Variants in ERG observed in about 807,000 individuals in gnomAD.
The protein encoded by ERG is transcriptional regulator ERG.
Under a neutral mutation model 55.3 loss-of-function variants are expected in ERG, and 9 were observed. The observed-to-expected ratio is 0.16, with a 90% CI of 0.10 to 0.28. ERG has a LOEUF of 0.28. Ranked by LOEUF, ERG falls within the 10% of genes least tolerant of loss-of-function variation. The pLI is 1.00. For missense variants in ERG, 434 were observed against 631.6 expected, an observed-to-expected ratio of 0.69 and a Z score of 3.35; for synonymous variants, 223 against 237.3, an observed-to-expected ratio of 0.94 and a Z score of 0.55.
chr21:38,647,344 T>C (rs1340653511), intron 1 of ERG, among the ~76,000 whole-genome samples: 1 of 152,210 alleles, frequency 6.6e-6, no homozygotes, highest in Non-Finnish European at 1.5e-5. Flanking sequence ...CAAAGTCAAG[T>C]ATTGGCATTT....
upstream of ERG, among the ~76,000 whole-genome samples, chr21:38,585,899 G>A (rs1163560231): frequency 6.6e-6 from 1 of 150,694 alleles, no homozygotes; most frequent in Non-Finnish European, 1.5e-5. Context: ...CATTACTGGG[G>A]GAAAAAAATC....
At chr21:38,464,172 G>C (rs1228251348) in intron 1 of ERG, among the ~76,000 whole-genome samples, 1 of 152,046 alleles carries the variant, frequency 6.6e-6, no homozygotes, top group African/African-American at 2.4e-5. Flanking sequence ...GTTACTATTG[G>C]ATTCTATCTT....
In ERG at chr21:38,472,640, T is replaced by C. The variant is rs139374151; in HGVS notation, c.18+25723A>G. On this transcript the variant is annotated intron_variant, in intron 1 of 9. Coordinates refer to ENST00000288319, the MANE Select transcript of ERG (RefSeq NM_182918.4). ...GCAGGCCTCCACAGGGCAGCTACACTCTACGATAAGGAACATGAAGCCCTG... is the reference window on the plus strand; with the variant it reads ...GCAGGCCTCCACAGGGCAGCTACACCCTACGATAAGGAACATGAAGCCCTG... 1.4e-4 allele frequency among the ~76,000 whole-genome samples: 21 copies of C among 152,088 alleles called. No individual in the cohort carries two copies. In the East Asian group the frequency reaches 3.1e-3, roughly 22 times the overall value.
intron 1 of ERG, among the ~76,000 whole-genome samples, chr21:38,622,982 T>A (rs394938): frequency 1 from 144,273 of 144,778 alleles, 71,884 homozygotes; most frequent in Middle Eastern, 1. Context: ...TCACACACAT[T>A]TTACATACAC....
chr21:38,639,366 T>TA (rs57735416), intron 1 of ERG, among the ~76,000 whole-genome samples: 53 of 147,472 alleles, frequency 3.6e-4, no homozygotes, highest in East Asian at 3.9e-4. Flanking sequence ...GTTTTAACTT[T>TA]AAAAAAAAAA....
Position 38,429,602 on chromosome 21 carries a change from T to C in ERG, c.237-6041A>G, listed in dbSNP as rs537867693. ...ATATACATATGTGTATATGTACATG[T>C]ATACACATGTACATATATACATATG... On this transcript the variant is annotated intron_variant, in intron 2 of 9. Coordinates refer to ENST00000288319, the MANE Select transcript of ERG (RefSeq NM_182918.4). Among the ~76,000 whole-genome samples the C allele has an allele frequency of 2.1e-5, 3 of 146,104 alleles. 1 individual carries two copies. The highest frequency in any genetic ancestry group is 5.0e-5 in the African/African-American group (2 of 39,678).
intron 3 of ERG, among the ~76,000 whole-genome samples, chr21:38,405,108 C>T (rs1451960592): frequency 6.6e-6 from 1 of 152,152 alleles, no homozygotes; most frequent in South Asian, 2.1e-4. Context: ...CTGCAAACAC[C>T]TATCCTGAAG....
chr21:38,435,294 C>T (rs1166359834), intron 2 of ERG, among the ~76,000 whole-genome samples: 2 of 152,158 alleles, frequency 1.3e-5, no homozygotes, highest in African/African-American at 2.4e-5. Context: ...AGGTCAGTCA[C>T]CACAAAAGGT....
chr21:38,621,957 C>G (rs1258194283), intron 1 of ERG, among the ~76,000 whole-genome samples: 1 of 152,216 alleles, frequency 6.6e-6, no homozygotes, highest in African/African-American at 2.4e-5. Context: ...GAGACAGAGG[C>G]TCTCTCGGAT....
intron 1 of ERG, among the ~76,000 whole-genome samples, chr21:38,624,570 T>A (rs1156731153): frequency 6.6e-6 from 1 of 152,182 alleles, no homozygotes; most frequent in Non-Finnish European, 1.5e-5. Flanking sequence ...GTGGTCTCCA[T>A]AGAGCTCCTG....
intron 2 of ERG, among the ~76,000 whole-genome samples, chr21:38,513,366 G>C (rs2059529044): frequency 6.6e-6 from 1 of 152,124 alleles, no homozygotes; most frequent in Admixed American, 6.5e-5. Flanking sequence ...CAGATTGTAG[G>C]GGAAATTGGG....
rs530500730 is a variant in ERG at position 38,458,492 on chromosome 21, G to A, written c.19-12871C>T. On this transcript the variant is annotated intron_variant, in intron 1 of 9. Coordinates refer to ENST00000288319, the MANE Select transcript of ERG (RefSeq NM_182918.4). ...CAGGCTCCCATGGGCCTTGACACGT[G>A]AGATGTCAGGCAGAATTTTTATTAA... is the stretch of plus-strand genomic sequence containing the variant. 1.4e-4 allele frequency among the ~76,000 whole-genome samples: 21 copies of A among 151,398 alleles called. No homozygotes were observed. In the South Asian group the frequency reaches 4.4e-3, roughly 32 times the overall value.
chr21:38,448,274 A>G (rs1230428859), intron 1 of ERG, among the ~76,000 whole-genome samples: 1 of 152,240 alleles, frequency 6.6e-6, no homozygotes, highest in Non-Finnish European at 1.5e-5. Flanking sequence ...TGGGGGAGGC[A>G]TGCCTCCTTT....
At chr21:38,461,518 C>T (rs1242795866) in intron 1 of ERG, among the ~76,000 whole-genome samples, 8 of 152,194 alleles carry the variant, frequency 5.3e-5, no homozygotes, top group Non-Finnish European at 1.0e-4. Context: ...ATCTCCCTGC[C>T]TAGCACAGTG....
In ERG at chr21:38,383,945, G is replaced by A. The variant is rs1243494764; in HGVS notation, c.920-22C>T. On this transcript the variant is annotated intron_variant, in intron 9 of 9. Transcript: ENST00000288319. This position sits in a 1 kb window ranked among gnomAD's most constrained non-coding sequence, Gnocchi z 5.7. Reference sequence around the variant, plus strand: ...CTGCCTAATGAGGTCAGGAGAGGAAGGAAAACTCCAGTGAGCACAGGTTCC... The same window carrying A: ...CTGCCTAATGAGGTCAGGAGAGGAAAGAAAACTCCAGTGAGCACAGGTTCC... 2 of 1,598,092 alleles carry A rather than the reference G, an allele frequency of 1.3e-6. No homozygotes were observed. Among genetic ancestry groups the A allele is most frequent in the African/African-American group, 1.3e-5 (1 of 74,570 alleles).
intron 9 of ERG, among the ~76,000 whole-genome samples, chr21:38,384,276 C>T (rs751528433): frequency 2.0e-5 from 3 of 152,228 alleles, no homozygotes; most frequent in Non-Finnish European, 4.4e-5. Flanking sequence ...GCTGAAACAG[C>T]GTCCAGCTGC....
Position 38,400,593 on chromosome 21 carries a change from T to C in ERG, c.726A>G (p.Gln242=). The change falls in exon 6 of 10, where the codon CAA becomes CAG. Residue 242 remains glutamine, a synonymous_variant. Coordinates refer to ENST00000288319, the MANE Select transcript of ERG (RefSeq NM_182918.4). Reference sequence around the variant, plus strand: ...TCGTACCTGGCCTAGTTGTAATTCTTTGCGTAGCTTCAGGATATACTGAAG... The same window carrying C: ...TCGTACCTGGCCTAGTTGTAATTCTCTGCGTAGCTTCAGGATATACTGAAG... ...PNTSVYPEAT[Q]RITTRPDLPY... The C allele has an allele frequency of 6.2e-7, 1 of 1,613,958 alleles. No individual in the cohort carries two copies.
chr21:38,447,444 A>G (rs1373222040), intron 1 of ERG, among the ~76,000 whole-genome samples: 2 of 151,008 alleles, frequency 1.3e-5, no homozygotes, highest in Non-Finnish European at 2.9e-5. Context: ...GAAAAAAGTC[A>G]TCTTGAATAG....
chr21:38,450,518 T>TA (rs1391277613), intron 1 of ERG, among the ~76,000 whole-genome samples: 2 of 152,250 alleles, frequency 1.3e-5, no homozygotes, highest in African/African-American at 4.8e-5. Flanking sequence ...CTGTCAGTTT[T>TA]AATCCCATTA....
Sources: allele counts gnomAD v4.1 joint callset (sites outside exome capture counted in the v4.1 genomes callset), GRCh38; gene constraint gnomAD v4.1.1; non-coding constraint Gnocchi (gnomAD v3.1); transcripts MANE v1.5; gene names NCBI Gene and HGNC (gene_info 2026-07-23, HGNC 2026-07-21).